Variants in NDUFV3 observed in about 807,000 individuals in gnomAD.
NDUFV3 encodes the protein NADH dehydrogenase [ubiquinone] flavoprotein 3, mitochondrial.
NDUFV3 carries 44 observed loss-of-function variants against 37.5 expected under a neutral mutation model. That is an observed-to-expected ratio of 1.17 (90% CI 0.92 to 1.51). The LOEUF (loss-of-function observed/expected upper bound fraction) is 1.51, where lower values mean the gene tolerates loss of function less well. Ranked by LOEUF, NDUFV3 falls within the 40% of genes most tolerant of loss-of-function variation. NDUFV3 has a pLI of 0.00. For missense variants in NDUFV3, 580 were observed against 580.4 expected, an observed-to-expected ratio of 1.00 and a Z score of 0.01; for synonymous variants, 235 against 239.3, an observed-to-expected ratio of 0.98 and a Z score of 0.17.
chr21:42,906,979 A>G, intron 3 of NDUFV3: 1 of 462,994 alleles, frequency 2.2e-6, no homozygotes, highest in South Asian at 1.6e-5. Flanking sequence ...TAGTGAGAAA[A>G]TAAATGTATT....
intron 1 of NDUFV3, among the ~76,000 whole-genome samples, chr21:42,895,767 C>T (rs879265969): frequency 6.6e-5 from 10 of 151,888 alleles, no homozygotes; most frequent in Non-Finnish European, 1.0e-4. Context: ...TTTTATTAAA[C>T]CAAATATTAA....
intron 2 of NDUFV3, among the ~76,000 whole-genome samples, chr21:42,899,239 A>G (rs1283023703): frequency 6.6e-6 from 1 of 151,960 alleles, no homozygotes; most frequent in Non-Finnish European, 1.5e-5. Flanking sequence ...GACAGTTTTC[A>G]GAACTAAGCT....
In NDUFV3 at chr21:42,903,777, T is replaced by C. The variant is rs944982579; in HGVS notation, c.765T>C (p.Asp255=). 1.9e-6 allele frequency: 3 copies of C among 1,613,992 alleles called. No individual in the cohort carries two copies. The highest frequency in any genetic ancestry group is 2.5e-6 in the Non-Finnish European group (3 of 1,180,038). ...CCACAATGCCCAGATCTCAAGTAGA[T>C]GAAGAGTTTTTGAAGCAAAGTTTAA... The part of the protein sequence containing the change: ...PKTTMPRSQV[D]EEFLKQSLKE... The change falls in exon 3 of 4, where the codon GAT becomes GAC. Residue 255 remains aspartate, a synonymous_variant. Transcript: ENST00000354250.
At chr21:42,905,075 C>T (rs1443811384) in intron 3 of NDUFV3, among the ~76,000 whole-genome samples, 3 of 152,304 alleles carry the variant, frequency 2.0e-5, no homozygotes, top group Non-Finnish European at 4.4e-5. Flanking sequence ...AGGCCTGAGC[C>T]ACCGTGCCCG....
intron 1 of NDUFV3, among the ~76,000 whole-genome samples, chr21:42,893,748 A>G (rs1333487661): frequency 6.6e-6 from 1 of 152,226 alleles, no homozygotes; most frequent in Non-Finnish European, 1.5e-5. Context: ...CGGCTCCCGC[A>G]CGGCTTCTCT....
chr21:42,896,790 G>T, intron 1 of NDUFV3, 137 bp from the exon 2 acceptor site: 1 of 804,856 alleles, frequency 1.2e-6, no homozygotes, highest in Non-Finnish European at 1.9e-6. Context: ...AGTGAGCCAT[G>T]ATTGTGCCAC....
chr21:42,907,294 A>AT lies in NDUFV3; in HGVS notation c.1265-1564dup, dbSNP rs573112955. ...CTTTAGTTTAAGCTTTTCAAAAAAA[A>AT]TTTTTTATTTGACAGACGTGCTCTG... On this transcript the variant is annotated intron_variant, in intron 3 of 3. Transcript: ENST00000354250. Among the ~76,000 whole-genome samples, 38 of 152,110 alleles carry AT rather than the reference A, an allele frequency of 2.5e-4. No homozygotes were observed. In the South Asian group the frequency reaches 6.6e-3, roughly 27 times the overall value.
intron 3 of NDUFV3, 32 bp downstream of exon 3, chr21:42,904,308 C>A: frequency 6.4e-7 from 1 of 1,564,072 alleles, no homozygotes; most frequent in Non-Finnish European, 8.7e-7. Context: ...CAAGTGCACC[C>A]TGTCCCTTAG....
At chr21:42,900,607 TG>T (rs2058714284) in intron 2 of NDUFV3, among the ~76,000 whole-genome samples, 1 of 152,176 alleles carries the variant, frequency 6.6e-6, no homozygotes, top group Non-Finnish European at 1.5e-5. Flanking sequence ...AGTTGGTAAG[TG>T]TAAGATACAG....
Position 42,893,309 on chromosome 21 carries a change from G to T in NDUFV3, c.-25G>T. ...GTGCGCGCGCAGCTGCTGTGGCCCT[G>T]CTTGGTGCGCCCGCTGTCACCGCCA... On this transcript the variant is annotated 5_prime_UTR_variant, in exon 1 of 4. Transcript: ENST00000354250. The T allele has an allele frequency of 5.2e-6, 8 of 1,536,946 alleles. No individual in the cohort carries two copies. In the South Asian group the frequency reaches 6.0e-5, roughly 11 times the overall value.
chr21:42,901,141 A>G (rs1568858213), intron 2 of NDUFV3, among the ~76,000 whole-genome samples: 2 of 152,224 alleles, frequency 1.3e-5, no homozygotes, highest in Non-Finnish European at 2.9e-5. Context: ...CAGTGTAAAT[A>G]GTGGCTCAGT....
In NDUFV3 at chr21:42,913,281, A is replaced by G. The variant is rs1428457969; in HGVS notation, c.*4260A>G. On this transcript the variant is annotated 3_prime_UTR_variant, in exon 4 of 4. Transcript: ENST00000354250. Reference sequence around the variant, plus strand: ...TCACCCTTAGAGACCTGTCTGTAATAAACATTATTTGAAATGCCTACTATA... The same window carrying G: ...TCACCCTTAGAGACCTGTCTGTAATGAACATTATTTGAAATGCCTACTATA... 1 of 149,948 alleles carries G rather than the reference A, an allele frequency of 6.7e-6. No individual in the cohort carries two copies. The highest frequency in any genetic ancestry group is 2.0e-4 in the East Asian group (1 of 5,086). The allele number at this position is 149,948 out of a possible 1,614,324, so 9.3% of individuals were successfully genotyped here. A position where few individuals can be genotyped will look rare whatever the true frequency, so the allele number is the denominator to read the frequency against.
chr21:42,904,257 C>T lies in NDUFV3; in HGVS notation c.1245C>T (p.Asp415=), dbSNP rs769809323. The change falls in exon 3 of 4, where the codon GAC becomes GAT. Residue 415 remains aspartate, a synonymous_variant. Coordinates refer to ENST00000354250, the MANE Select transcript of NDUFV3 (RefSeq NM_021075.4). ...TGGAAGATGCAGCCGCGCCAGGGGA[C>T]GACCGAGGCGGCACACAGGGTATAC... ...EAMEDAAAPG[D]DRGGTQEPAP... is the part of the protein sequence containing the mutation. The T allele has an allele frequency of 1.7e-5, 28 of 1,600,816 alleles. No homozygotes were observed. The highest frequency in any genetic ancestry group is 1.5e-4 in the South Asian group (13 of 89,398).
At chr21:42,905,547 C>G (rs2058737457) in intron 3 of NDUFV3, among the ~76,000 whole-genome samples, 3 of 152,122 alleles carry the variant, frequency 2.0e-5, no homozygotes, top group Admixed American at 2.0e-4. Flanking sequence ...ATGGGTTTTG[C>G]TCTTGTTGCC....
chr21:42,900,867 C>T (rs535444111), intron 2 of NDUFV3, among the ~76,000 whole-genome samples: 7 of 152,242 alleles, frequency 4.6e-5, no homozygotes, highest in South Asian at 2.1e-4. Context: ...GGAAGGCTGC[C>T]GGCACAGATA....
At chr21:42,896,123 A>T (rs1219930864) in intron 1 of NDUFV3, among the ~76,000 whole-genome samples, 3 of 149,116 alleles carry the variant, frequency 2.0e-5, no homozygotes, top group African/African-American at 7.4e-5. Flanking sequence ...ACCTGGAACT[A>T]CAGGCATGCA....
chr21:42,911,176 G>GA lies in NDUFV3; in HGVS notation c.*2155_*2156insA, dbSNP rs2058769356. 1.3e-5 allele frequency: 2 copies of GA among 152,230 alleles called. No homozygotes were observed. The highest frequency in any genetic ancestry group is 4.8e-5 in the African/African-American group (2 of 41,444). The allele number at this position is 152,230 out of a possible 1,614,324, so 9.4% of individuals were successfully genotyped here. ...GAGAATCGCTTGAACCCGGGAGGCG[G>GA]GGTTTGCAGTAAGCCGAGATCATGC... On this transcript the variant is annotated 3_prime_UTR_variant, in exon 4 of 4. Coordinates refer to ENST00000354250, the MANE Select transcript of NDUFV3 (RefSeq NM_021075.4).
chr21:42,906,723 C>G (rs547523995), intron 3 of NDUFV3: 1 of 375,710 alleles, frequency 2.7e-6, no homozygotes, highest in African/African-American at 2.1e-5. Flanking sequence ...CTAGGCAGTC[C>G]GTGCCCCAGT....
intron 3 of NDUFV3, among the ~76,000 whole-genome samples, chr21:42,904,491 C>CTTT (rs11321406): frequency 2.9e-4 from 37 of 125,824 alleles, no homozygotes; most frequent in African/African-American, 7.9e-4. Context: ...ATTTAACGTT[C>CTTT]TTTTTTTTTT....
Sources: allele counts gnomAD v4.1 joint callset (sites outside exome capture counted in the v4.1 genomes callset), GRCh38; gene constraint gnomAD v4.1.1; transcripts MANE v1.5; gene names NCBI Gene and HGNC (gene_info 2026-07-23, HGNC 2026-07-21).